Variants in DIAPH2 observed in about 807,000 individuals in gnomAD.
The protein encoded by DIAPH2 is protein diaphanous homolog 2.
Under a neutral mutation model 92.7 loss-of-function variants are expected in DIAPH2, and 35 were observed. That is an observed-to-expected ratio of 0.38 (90% CI 0.29 to 0.50). The LOEUF is 0.50. DIAPH2 is among the 20% of genes least tolerant of loss of function. The pLI is 0.94. For missense variants in DIAPH2, 701 were observed against 819.5 expected (o/e 0.86, Z 1.77); for synonymous variants, 301 against 280.4 (o/e 1.07, Z -0.73).
rs764579021 is a variant in DIAPH2 at position 97,035,296 on chromosome X, G to T, written c.2051-37645G>T. Among the ~76,000 whole-genome samples the T allele has an allele frequency of 6.3e-5, 7 of 111,939 alleles. No individual in the cohort carries two copies. In the East Asian group the frequency reaches 1.7e-3, roughly 27 times the overall value. Reference sequence around the variant, plus strand: ...GCCTTCATTATTGGGAATGATTTTTGCATGAAGTTAATGAAGAGAAATTCA... The same window carrying T: ...GCCTTCATTATTGGGAATGATTTTTTCATGAAGTTAATGAAGAGAAATTCA... On this transcript the variant is annotated intron_variant, in intron 17 of 26. Transcript: ENST00000324765.
At chrX:97,101,602 T>A (rs904394930) in intron 20 of DIAPH2, among the ~76,000 whole-genome samples, 34 of 111,663 alleles carry the variant, frequency 3.0e-4, no homozygotes, top group Admixed American at 8.6e-4. Context: ...ATTTGCCCAA[T>A]AAAGTTTAGC....
At chrX:96,866,135 A>G (rs1157760762) in intron 4 of DIAPH2, among the ~76,000 whole-genome samples, 3 of 111,544 alleles carry the variant, frequency 2.7e-5, no homozygotes, top group Non-Finnish European at 5.6e-5. Context: ...ATTTGTGACT[A>G]GACGTGCTTT....
intron 1 of DIAPH2, among the ~76,000 whole-genome samples, chrX:96,690,353 G>T (rs1602428140): frequency 9.0e-6 from 1 of 111,628 alleles, no homozygotes; most frequent in Non-Finnish European, 1.9e-5. Context: ...ATGTTTGCCA[G>T]TTGGGGATAA....
intron 23 of DIAPH2, among the ~76,000 whole-genome samples, chrX:97,314,575 T>C (rs1288698508): frequency 8.9e-6 from 1 of 112,151 alleles, no homozygotes; most frequent in Non-Finnish European, 1.9e-5. Context: ...GTCACAGTAT[T>C]TGTCTAGAAT....
In DIAPH2 at chrX:96,890,473, A is replaced by G. The variant is rs746986677; in HGVS notation, c.587+8755A>G. Among the ~76,000 whole-genome samples, 8 of 111,806 alleles carry G rather than the reference A, an allele frequency of 7.2e-5. No homozygotes were observed. The South Asian group carries it at 1.9e-3, about 26-fold the overall frequency. Reference sequence around the variant, plus strand: ...CAGATATTTATAATTTCCTTTAAATACGGATGAAAGCAGTTCCTAAAACTC... The same window carrying G: ...CAGATATTTATAATTTCCTTTAAATGCGGATGAAAGCAGTTCCTAAAACTC... On this transcript the variant is annotated intron_variant, in intron 5 of 26. Coordinates refer to ENST00000324765, the MANE Select transcript of DIAPH2 (RefSeq NM_006729.5).
intron 4 of DIAPH2, among the ~76,000 whole-genome samples, chrX:96,819,520 TTTTGC>T (rs2064763687): frequency 8.9e-6 from 1 of 112,318 alleles, no homozygotes; most frequent in South Asian, 3.6e-4. Context: ...GGCTGTCCAT[TTTTGC>T]AGGGCATTTG....
intron 3 of DIAPH2, among the ~76,000 whole-genome samples, chrX:96,757,716 TA>T (rs1189051974): frequency 9.0e-6 from 1 of 111,619 alleles, no homozygotes; most frequent in East Asian, 2.8e-4. Context: ...ATATTATAGA[TA>T]TATAGACCCT....
At chrX:97,387,867 T>C (rs1334873173) in intron 25 of DIAPH2, among the ~76,000 whole-genome samples, 2 of 111,748 alleles carry the variant, frequency 1.8e-5, no homozygotes, top group African/African-American at 6.5e-5. Context: ...AGAGCACATT[T>C]TCTCAGGAGA....
intron 24 of DIAPH2, among the ~76,000 whole-genome samples, chrX:97,378,809 T>C (rs1299592788): frequency 2.7e-5 from 3 of 112,117 alleles, no homozygotes; most frequent in Non-Finnish European, 5.6e-5. Flanking sequence ...TGCAATATAA[T>C]ACACACCACG....
intron 26 of DIAPH2, among the ~76,000 whole-genome samples, chrX:97,522,866 C>A (rs979995340): frequency 8.9e-6 from 1 of 112,547 alleles, no homozygotes; most frequent in African/African-American, 3.2e-5. Flanking sequence ...CCCTAGTGGT[C>A]TGTCTGTTAA....
At chrX:96,844,913 A>C (rs1022260571) in intron 4 of DIAPH2, among the ~76,000 whole-genome samples, 4 of 112,138 alleles carry the variant, frequency 3.6e-5, no homozygotes, top group African/African-American at 1.3e-4. Flanking sequence ...CTTATAATTC[A>C]GTTATGGTTA....
Position 97,579,709 on chromosome X carries a change from G to T in DIAPH2, c.3242-19544G>T, listed in dbSNP as rs747151300. Among the ~76,000 whole-genome samples the T allele has an allele frequency of 7.3e-5, 8 of 109,904 alleles. No homozygotes were observed. The South Asian group carries it at 1.2e-3, about 16-fold the overall frequency. ...GTTTTTTCCAATTCTGTGAAGAAAGGCATTGGTAGCTTGATGGGGATGGCA... is the reference window on the plus strand; with the variant it reads ...GTTTTTTCCAATTCTGTGAAGAAAGTCATTGGTAGCTTGATGGGGATGGCA... On this transcript the variant is annotated intron_variant, in intron 26 of 26. Transcript: ENST00000324765.
chrX:97,005,908 CTTTTTTT>C (rs58056111), intron 17 of DIAPH2, among the ~76,000 whole-genome samples: 2 of 68,165 alleles, frequency 2.9e-5, no homozygotes, highest in Non-Finnish European at 2.7e-5. Flanking sequence ...TGAAGTTTTT[CTTTTTTT>C]TTTTTTTTTT....
At chrX:97,001,668 AAAC>A (rs2066145439) in intron 17 of DIAPH2, among the ~76,000 whole-genome samples, 1 of 111,294 alleles carries the variant, frequency 9.0e-6, no homozygotes, top group African/African-American at 3.3e-5. Flanking sequence ...AAACAAAACA[AAAC>A]AATAAAACAC....
chrX:96,876,753 C>T (rs2065182290), intron 4 of DIAPH2, among the ~76,000 whole-genome samples: 1 of 99,764 alleles, frequency 1.0e-5, no homozygotes, highest in African/African-American at 3.8e-5. Context: ...CACACCGGGG[C>T]CTGTTGTGGG....
chrX:97,113,559 G>A (rs1262981680), intron 20 of DIAPH2, among the ~76,000 whole-genome samples: 1 of 112,269 alleles, frequency 8.9e-6, no homozygotes, highest in Non-Finnish European at 1.9e-5. Context: ...GAAGGCAGAG[G>A]TTCATATTTG....
At chrX:97,130,789 G>A (rs577964671) in intron 21 of DIAPH2, among the ~76,000 whole-genome samples, 1 of 111,233 alleles carries the variant, frequency 9.0e-6, no homozygotes, top group African/African-American at 3.3e-5. Context: ...GGCTTTAGGA[G>A]ACTGAGGCAG....
intron 10 of DIAPH2, among the ~76,000 whole-genome samples, chrX:96,935,437 CA>C (rs2065650707): frequency 9.0e-6 from 1 of 110,903 alleles, no homozygotes; most frequent in Non-Finnish European, 1.9e-5. Context: ...GAATCAAAAC[CA>C]TATACAGTAG....
chrX:97,577,456 G>T lies in DIAPH2; in HGVS notation c.3242-21797G>T, dbSNP rs1022304131. On this transcript the variant is annotated intron_variant, in intron 26 of 26. Coordinates refer to ENST00000324765, the MANE Select transcript of DIAPH2 (RefSeq NM_006729.5). ...AATGATAGTGAGCAGTACGAAATTG[G>T]CTATAATTGAAAGCTGAATTGTGTG... 2.7e-5 allele frequency among the ~76,000 whole-genome samples: 3 copies of T among 112,159 alleles called. No homozygotes were observed. The Admixed American group carries it at 2.8e-4, about 11-fold the overall frequency.
Sources: allele counts gnomAD v4.1 joint callset (sites outside exome capture counted in the v4.1 genomes callset), GRCh38; gene constraint gnomAD v4.1.1; transcripts MANE v1.5; gene names NCBI Gene and HGNC (gene_info 2026-07-23, HGNC 2026-07-21).